The following FDFT1 variants were observed in gnomAD, a reference collection of about 807,000 sequenced individuals.
FDFT1 encodes farnesyl-diphosphate farnesyltransferase 1.
Under a neutral mutation model 46.8 loss-of-function variants are expected in FDFT1, and 68 were observed. The ratio of observed to expected loss-of-function variants is 1.45; its 90% CI spans 1.19 to 1.78. The LOEUF (loss-of-function observed/expected upper bound fraction) is 1.78, where lower values mean the gene tolerates loss of function less well. Among genes scored for constraint, FDFT1 ranks in the 40% most tolerant of loss-of-function variants. FDFT1 has a pLI of 0.00. For missense variants in FDFT1, 928 were observed against 524.4 expected (o/e 1.77, Z -7.52); for synonymous variants, 351 against 185.1 (o/e 1.90, Z -7.28).
intron 4 of FDFT1, among the ~76,000 whole-genome samples, chr8:11,822,941 A>G (rs1012102492): frequency 3.9e-5 from 6 of 152,242 alleles, no homozygotes; most frequent in Admixed American, 6.5e-5. Flanking sequence ...AGAAGTTTTG[A>G]TCAGATAAAA....
upstream of FDFT1, chr8:11,802,633 C>G: frequency 1.7e-6 from 1 of 594,636 alleles, no homozygotes; most frequent in African/African-American, 1.9e-5. Context: ...TCAGCCCACC[C>G]CACGAGGCCG....
intron 3 of FDFT1, among the ~76,000 whole-genome samples, chr8:11,815,451 T>A (rs112060165): frequency 2.0e-5 from 3 of 152,280 alleles, no homozygotes; most frequent in South Asian, 2.1e-4. Context: ...CCATACTGTC[T>A]TCCACAATGG....
chr8:11,838,845 G>A lies in FDFT1; in HGVS notation c.*236G>A, dbSNP rs1334992394. ...GGTGATGATCACTGTGCTGCTTGTGGCTCATGGCAGAGCATTCAGTGCCAC... is the reference window on the plus strand; with the variant it reads ...GGTGATGATCACTGTGCTGCTTGTGACTCATGGCAGAGCATTCAGTGCCAC... On this transcript the variant is annotated 3_prime_UTR_variant, in exon 8 of 8. Transcript: ENST00000220584. 3.8e-6 allele frequency: 2 copies of A among 525,878 alleles called. No individual in the cohort carries two copies. The highest frequency in any genetic ancestry group is 6.8e-6 in the Non-Finnish European group (2 of 292,636). 32.6% of individuals were successfully genotyped at this position (525,878 alleles called of 1,614,324 possible). A position where few individuals can be genotyped will look rare whatever the true frequency, so the allele number is the denominator to read the frequency against.
chr8:11,797,638 CAAAAAAAAAAAAA>C (rs34350077), upstream of FDFT1, among the ~76,000 whole-genome samples: 1 of 75,524 alleles, frequency 1.3e-5, no homozygotes, highest in East Asian at 4.5e-4. Context: ...CACACACACT[CAAAAAAAAAAAAA>C]AAAAAAAAAG....
At chr8:11,836,115 T>TGC (rs1285161968) in intron 7 of FDFT1, among the ~76,000 whole-genome samples, 1 of 150,470 alleles carries the variant, frequency 6.6e-6, no homozygotes, top group African/African-American at 2.4e-5. Context: ...ATTGCACCAC[T>TGC]GCACTCTAGC....
intron 3 of FDFT1, among the ~76,000 whole-genome samples, chr8:11,818,718 C>T (rs947339614): frequency 1.3e-5 from 2 of 151,834 alleles, no homozygotes; most frequent in Admixed American, 6.6e-5. Flanking sequence ...AGATCTTCCT[C>T]CAGCTGTTTA....
intron 1 of FDFT1, 164 bp from the exon 2 acceptor site, chr8:11,808,630 G>C (rs1264825643): frequency 1.4e-6 from 2 of 1,393,952 alleles, no homozygotes; most frequent in Non-Finnish European, 9.3e-7. Flanking sequence ...CCGCGGGGCT[G>C]CTGCTTGCCT....
chr8:11,797,479 C>T (rs1232635017), upstream of FDFT1, among the ~76,000 whole-genome samples: 5 of 151,880 alleles, frequency 3.3e-5, no homozygotes, highest in East Asian at 9.7e-4. Flanking sequence ...TGTTTTTTCC[C>T]ATGTCTCCTG....
intron 1 of FDFT1, 41 bp downstream of exon 1, chr8:11,802,972 C>G (rs780230056): frequency 1.3e-6 from 2 of 1,560,664 alleles, no homozygotes; most frequent in Non-Finnish European, 1.7e-6. Context: ...GGGGAAGGAG[C>G]TCGCTGGGCC....
Position 11,809,689 on chromosome 8 carries a change from C to T in FDFT1, c.220C>T (p.Leu74=), listed in dbSNP as rs1368362513. 6 of 1,612,958 alleles carry T rather than the reference C, an allele frequency of 3.7e-6. No individual in the cohort carries two copies. Among genetic ancestry groups the T allele is most frequent in the African/African-American group, 2.7e-5 (2 of 74,856 alleles). The change falls in exon 3 of 8, where the codon CTG becomes TTG. Residue 74 remains leucine (L), a synonymous_variant. Transcript: ENST00000220584. Reference sequence around the variant, plus strand: ...CAGCAACGCAGTGTGCATATTTTATCTGGTTCTCCGAGCTCTGGACACACT... The same window carrying T: ...CAGCAACGCAGTGTGCATATTTTATTTGGTTCTCCGAGCTCTGGACACACT... ...EMRNAVCIFY[L]VLRALDTLED...
At chr8:11,818,185 T>C (rs957365811) in intron 3 of FDFT1, among the ~76,000 whole-genome samples, 15 of 152,256 alleles carry the variant, frequency 9.9e-5, no homozygotes, top group African/African-American at 3.6e-4. Flanking sequence ...GTGAGTTTAT[T>C]AATCCTGAGT....
intron 1 of FDFT1, among the ~76,000 whole-genome samples, chr8:11,796,821 C>G (rs530321390): frequency 2.6e-5 from 4 of 152,268 alleles, no homozygotes; most frequent in African/African-American, 9.6e-5. Flanking sequence ...CTGGCTTTAC[C>G]CAGGAAAGAA....
At chr8:11,831,497 C>T (rs781403054) in intron 6 of FDFT1, 21 bp from the exon 7 acceptor site, 17 of 1,597,450 alleles carry the variant, frequency 1.1e-5, no homozygotes, top group East Asian at 4.5e-5. Flanking sequence ...TCTTTTTTCC[C>T]TCTCTTCTTG....
At chr8:11,833,184 G>A (rs986173990) in intron 7 of FDFT1, among the ~76,000 whole-genome samples, 1 of 152,090 alleles carries the variant, frequency 6.6e-6, no homozygotes, top group Non-Finnish European at 1.5e-5. Flanking sequence ...TGCTACCAAT[G>A]AGACTCTCCA....
chr8:11,814,816 T>C (rs1300516240), intron 3 of FDFT1, among the ~76,000 whole-genome samples: 4 of 152,124 alleles, frequency 2.6e-5, no homozygotes, highest in African/African-American at 9.7e-5. Flanking sequence ...ATAAAATGGT[T>C]GGCAGATCTG....
At position 11,808,799 on chromosome 8, in the gene FDFT1, G is replaced by T. The variant is rs144241628; in HGVS notation, c.105G>T (p.Ser35=). Residue 35 remains serine (S), a synonymous_variant, in exon 2 of 8, where the codon TCG becomes TCT. Transcript: ENST00000220584. Reference sequence around the variant, plus strand: ...TGTGTGTTGTCTGCCCGCAGGACTCGCTCAGCAGCAGCCTGAAAACTTGCT... The same window carrying T: ...TGTGTGTTGTCTGCCCGCAGGACTCTCTCAGCAGCAGCCTGAAAACTTGCT... ...RKVMPKMDQD[S]LSSSLKTCYK... 1 of 1,613,218 alleles carries T rather than the reference G, an allele frequency of 6.2e-7. No individual in the cohort carries two copies. Among genetic ancestry groups the T allele is most frequent in the African/African-American group, 1.3e-5 (1 of 74,934 alleles).
rs955811593 is a variant in FDFT1 at position 11,809,553 on chromosome 8, T to G, written c.198-114T>G. On this transcript the variant is annotated intron_variant, in intron 2 of 7. Transcript: ENST00000220584. ...GAAAAGCGTTGGATATCCTTATAGT[T>G]CTTTAGAGTTAAGGGTGAGATGGGT... The G allele has an allele frequency of 6.1e-6, 8 of 1,316,442 alleles. No homozygotes were observed. The African/African-American group carries it at 1.2e-4, about 20-fold the overall frequency. The allele number at this position is 1,316,442 out of a possible 1,614,324, so 81.5% of individuals were successfully genotyped here.
intron 4 of FDFT1, among the ~76,000 whole-genome samples, chr8:11,824,658 T>G (rs978742407): frequency 6.6e-6 from 1 of 152,198 alleles, no homozygotes. Context: ...TGCCTCAGTT[T>G]CCTCATCTGA....
intron 7 of FDFT1, among the ~76,000 whole-genome samples, chr8:11,836,119 C>T (rs1811506562): frequency 6.6e-6 from 1 of 150,534 alleles, no homozygotes; most frequent in African/African-American, 2.4e-5. Flanking sequence ...CACCACTGCA[C>T]TCTAGCCTGG....
Sources: gnomAD v4.1 joint callset for allele counts (sites outside exome capture counted in the v4.1 genomes callset) on GRCh38, gnomAD v4.1.1 for gene constraint, MANE v1.5 for transcripts, NCBI Gene and HGNC (gene_info 2026-07-23, HGNC 2026-07-21) for gene names.